The following NPSR1 variants were observed in gnomAD, a reference collection of about 807,000 sequenced individuals.
NPSR1 encodes the protein neuropeptide S receptor 1, also known as neuropeptide S receptor.
A neutral mutation model predicts 46.9 loss-of-function variants in NPSR1; 48 were observed. The observed-to-expected ratio is 1.02, with a 90% CI of 0.81 to 1.30. The LOEUF (loss-of-function observed/expected upper bound fraction) is 1.30. NPSR1 is among the 50% of genes most tolerant of loss of function. The pLI, the probability that NPSR1 is intolerant of heterozygous loss-of-function variation, is 0.00. For synonymous variants in NPSR1, 176 were observed against 168.1 expected (o/e 1.05, Z -0.36); for missense variants, 450 against 449.5 (o/e 1.00, Z -0.01).
At chr7:34,825,426 C>T (rs1484213169) in intron 4 of NPSR1, among the ~76,000 whole-genome samples, 2 of 152,228 alleles carry the variant, frequency 1.3e-5, no homozygotes, top group African/African-American at 2.4e-5. Flanking sequence ...ATGTTCCCTG[C>T]ATTTGAAAGC....
chr7:34,750,290 G>C, intron 2 of NPSR1: 1 of 692,838 alleles, frequency 1.4e-6, no homozygotes, highest in Non-Finnish European at 2.7e-6. Flanking sequence ...GAGAATGGGG[G>C]TTATTTTCTT....
intron 2 of NPSR1, chr7:34,752,199 G>T (rs1398656361): frequency 3.4e-6 from 1 of 294,138 alleles, no homozygotes; most frequent in Non-Finnish European, 6.5e-6. Flanking sequence ...GATGTAAATG[G>T]TTAACTTCTT....
intron 4 of NPSR1, among the ~76,000 whole-genome samples, chr7:34,821,380 C>A (rs964790337): frequency 8.2e-4 from 124 of 152,138 alleles, no homozygotes; most frequent in African/African-American, 2.4e-3. Flanking sequence ...TCCACCTTGG[C>A]CTTCCAAAGT....
At chr7:34,759,800 C>T (rs1047461028) in intron 2 of NPSR1, among the ~76,000 whole-genome samples, 1 of 152,198 alleles carries the variant, frequency 6.6e-6, no homozygotes, top group South Asian at 2.1e-4. Flanking sequence ...GGAGTTATCA[C>T]AAAGACTGGG....
intron 2 of NPSR1, among the ~76,000 whole-genome samples, chr7:34,698,038 GAT>G (rs1793621242): frequency 6.6e-6 from 1 of 151,988 alleles, no homozygotes; most frequent in Non-Finnish European, 1.5e-5. Flanking sequence ...AAAGTAAAAT[GAT>G]AAAAAATAAT....
chr7:34,736,067 A>T (rs927827316), intron 2 of NPSR1, among the ~76,000 whole-genome samples: 1 of 152,162 alleles, frequency 6.6e-6, no homozygotes, highest in Admixed American at 6.5e-5. Context: ...AACATATAAG[A>T]TTGTCATCTC....
intron 8 of NPSR1, among the ~76,000 whole-genome samples, chr7:34,867,473 G>A (rs1414114684): frequency 6.6e-6 from 1 of 151,838 alleles, no homozygotes; most frequent in East Asian, 1.9e-4. Flanking sequence ...CAGGCAATTG[G>A]CCAGGCCAGC....
intron 2 of NPSR1, among the ~76,000 whole-genome samples, chr7:34,770,265 T>G (rs1487654655): frequency 1.3e-5 from 2 of 152,226 alleles, no homozygotes. Flanking sequence ...ATTTGTGCCA[T>G]GAAAATCTTC....
intron 2 of NPSR1, among the ~76,000 whole-genome samples, chr7:34,777,242 C>T (rs1787005155): frequency 1.3e-5 from 2 of 152,150 alleles, no homozygotes; most frequent in Non-Finnish European, 1.5e-5. Context: ...CTTGTGGGAA[C>T]TCAAGTTCTG....
chr7:34,708,376 C>T (rs1482053482), intron 2 of NPSR1, among the ~76,000 whole-genome samples: 4 of 152,196 alleles, frequency 2.6e-5, no homozygotes. Flanking sequence ...TGCAATTACA[C>T]TGATGAGCTT....
chr7:34,696,369 C>T (rs932348672), intron 2 of NPSR1, among the ~76,000 whole-genome samples: 2 of 152,022 alleles, frequency 1.3e-5, no homozygotes, highest in African/African-American at 2.4e-5. Flanking sequence ...ACAGTGTTCA[C>T]TATTTAGGTA....
At chr7:34,848,757 A>G in intron 8 of NPSR1, 94 bp downstream of exon 8, 2 of 1,087,376 alleles carry the variant, frequency 1.8e-6, no homozygotes, top group Non-Finnish European at 2.7e-6. Context: ...ACTCTCCAGC[A>G]GGTTACAGGA....
chr7:34,733,506 CA>C (rs1358758258), intron 2 of NPSR1, among the ~76,000 whole-genome samples: 1 of 151,650 alleles, frequency 6.6e-6, no homozygotes, highest in Non-Finnish European at 1.5e-5. Flanking sequence ...GCCTATCCTG[CA>C]AAATAAAAGT....
intron 2 of NPSR1, among the ~76,000 whole-genome samples, chr7:34,694,837 G>A (rs1195000064): frequency 1.3e-5 from 2 of 152,182 alleles, no homozygotes; most frequent in East Asian, 3.9e-4. Context: ...AGCCTCCTGA[G>A]TAGCTGGGAC....
intron 3 of NPSR1, among the ~76,000 whole-genome samples, chr7:34,789,007 A>G (rs935014443): frequency 1.1e-4 from 16 of 152,074 alleles, no homozygotes; most frequent in Non-Finnish European, 1.8e-4. Flanking sequence ...AATTTCAAAA[A>G]TGTTACAAAC....
intron 5 of NPSR1, among the ~76,000 whole-genome samples, chr7:34,827,876 G>C (rs1789937738): frequency 6.6e-6 from 1 of 152,188 alleles, no homozygotes; most frequent in African/African-American, 2.4e-5. Flanking sequence ...GTATAACCCT[G>C]TGAAATAATT....
chr7:34,758,604 A>G (rs1785998605), intron 2 of NPSR1, among the ~76,000 whole-genome samples: 1 of 152,216 alleles, frequency 6.6e-6, no homozygotes, highest in Non-Finnish European at 1.5e-5. Flanking sequence ...TTGTTTTGAC[A>G]TAATTTCAGG....
intron 2 of NPSR1, among the ~76,000 whole-genome samples, chr7:34,756,978 T>TA (rs1469372629): frequency 6.6e-6 from 1 of 152,162 alleles, no homozygotes; most frequent in Non-Finnish European, 1.5e-5. Flanking sequence ...TTCAGATAGT[T>TA]ACGATGATTA....
chr7:34,770,859 ATTCTCTT>A (rs1476002524), intron 2 of NPSR1, among the ~76,000 whole-genome samples: 1 of 152,196 alleles, frequency 6.6e-6, no homozygotes, highest in Admixed American at 6.5e-5. Flanking sequence ...TGGTTAGGTC[ATTCTCTT>A]CCAAGATGGT....
Sources: gnomAD v4.1 joint callset for allele counts (sites outside exome capture counted in the v4.1 genomes callset) on GRCh38, gnomAD v4.1.1 for gene constraint, MANE v1.5 for transcripts, NCBI Gene and HGNC (gene_info 2026-07-23, HGNC 2026-07-21) for gene names.